GRIN3A: variants seen among roughly 807,000 people sequenced by gnomAD.
GRIN3A encodes the protein glutamate ionotropic receptor NMDA type subunit 3A, also known as glutamate receptor ionotropic, NMDA 3A.
In GRIN3A, 47 loss-of-function variants were observed where a neutral mutation model predicts 92.4. That is an observed-to-expected ratio of 0.51 (90% CI 0.40 to 0.65). GRIN3A has a LOEUF of 0.65. Among genes scored for constraint, GRIN3A ranks in the 30% least tolerant of loss-of-function variants. The pLI is 0.00. For missense variants in GRIN3A, 1,324 were observed against 1,393.1 expected, an observed-to-expected ratio of 0.95 and a Z score of 0.79; for synonymous variants, 527 against 540.6, an observed-to-expected ratio of 0.97 and a Z score of 0.35.
chr9:101,632,509 G>A (rs539969087), intron 3 of GRIN3A, among the ~76,000 whole-genome samples: 3 of 152,170 alleles, frequency 2.0e-5, no homozygotes, highest in Admixed American at 6.5e-5. Flanking sequence ...TCATTATTAA[G>A]AGAATGAATG....
At chr9:101,679,225 G>C (rs1272935875) in intron 2 of GRIN3A, among the ~76,000 whole-genome samples, 1 of 152,130 alleles carries the variant, frequency 6.6e-6, no homozygotes, top group Non-Finnish European at 1.5e-5. Context: ...GTATTACTCT[G>C]CATAGTTTCA....
In GRIN3A at chr9:101,670,305, A is replaced by G; in HGVS notation, c.2107T>C (p.Leu703=). The change falls in exon 3 of 9, where the codon TTG becomes CTG. Residue 703 remains leucine, a synonymous_variant. Coordinates refer to ENST00000361820, the MANE Select transcript of GRIN3A (RefSeq NM_133445.3). The part of the protein sequence containing the change: ...TLYEWKSPFG[L]TPKGRNRSKV... Reference sequence around the variant, plus strand: ...CTTCTATTTCGCCCCTTGGGAGTCAAACCAAATGGACTCTTCCATTCATAC... The same window carrying G: ...CTTCTATTTCGCCCCTTGGGAGTCAGACCAAATGGACTCTTCCATTCATAC... 2 of 1,614,060 alleles carry G rather than the reference A, an allele frequency of 1.2e-6. No individual in the cohort carries two copies. Among genetic ancestry groups the G allele is most frequent in the African/African-American group, 2.7e-5 (2 of 75,042 alleles).
At chr9:101,644,608 A>G (rs1249549010) in intron 3 of GRIN3A, among the ~76,000 whole-genome samples, 2 of 152,000 alleles carry the variant, frequency 1.3e-5, no homozygotes, top group African/African-American at 2.4e-5. Flanking sequence ...CTACTTCATA[A>G]AAATTCTTCA....
intron 6 of GRIN3A, chr9:101,591,921 A>T (rs914920089): frequency 3.3e-5 from 5 of 152,242 alleles, no homozygotes; most frequent in Non-Finnish European, 5.9e-5. Flanking sequence ...TGAGCATGTA[A>T]TCCAATATGT....
At chr9:101,728,933 T>C (rs1200108667) in intron 1 of GRIN3A, among the ~76,000 whole-genome samples, 1 of 152,160 alleles carries the variant, frequency 6.6e-6, no homozygotes, top group Non-Finnish European at 1.5e-5. Context: ...AATCTTTGGG[T>C]TAATGTAAGC....
chr9:101,717,744 A>G (rs1157413930), intron 1 of GRIN3A, among the ~76,000 whole-genome samples: 2 of 152,196 alleles, frequency 1.3e-5, no homozygotes, highest in Non-Finnish European at 2.9e-5. Context: ...AGAAATTCGC[A>G]GAAGAGGTGA....
At chr9:101,618,936 G>T (rs889013340) in intron 5 of GRIN3A, among the ~76,000 whole-genome samples, 3 of 152,188 alleles carry the variant, frequency 2.0e-5, no homozygotes, top group Non-Finnish European at 2.9e-5. Context: ...GTTGATGAAT[G>T]AAGCAAAATG....
rs1005414283 is a variant in GRIN3A at position 101,572,880 on chromosome 9, TGGTGAAAA to T, written c.*286_*293del. 8.2e-5 allele frequency: 33 copies of T among 400,944 alleles called. No homozygotes were observed. Among genetic ancestry groups the T allele is most frequent in the African/African-American group, 6.6e-4 (33 of 49,660 alleles). The allele number at this position is 400,944 out of a possible 1,614,324, so 24.8% of individuals were successfully genotyped here. A position where few individuals can be genotyped will look rare whatever the true frequency, so the allele number is the denominator to read the frequency against. ...AAACCAGAAATATTACTGTGGCACC[TGGTGAAAA>T]GGTTAACGGCAGCTGGGGTTATCTG... On this transcript the variant is annotated 3_prime_UTR_variant, in exon 9 of 9. Transcript: ENST00000361820.
intron 7 of GRIN3A, among the ~76,000 whole-genome samples, chr9:101,578,134 G>A (rs1197359286): frequency 6.6e-6 from 1 of 152,184 alleles, no homozygotes. Flanking sequence ...TAACTAATGT[G>A]TAGCAAAAGG....
intron 5 of GRIN3A, among the ~76,000 whole-genome samples, chr9:101,616,685 G>A (rs1290965800): frequency 7.3e-6 from 1 of 136,414 alleles, no homozygotes; most frequent in Non-Finnish European, 1.5e-5. Context: ...GGTGGGAGTT[G>A]AACAATGAGA....
intron 6 of GRIN3A, among the ~76,000 whole-genome samples, chr9:101,587,238 A>G (rs1377377830): frequency 6.7e-6 from 1 of 150,366 alleles, no homozygotes; most frequent in Non-Finnish European, 1.5e-5. Context: ...TGAATCCGGG[A>G]GGCAGAGGCT....
chr9:101,709,894 T>G (rs531721173), intron 1 of GRIN3A, among the ~76,000 whole-genome samples: 3 of 152,338 alleles, frequency 2.0e-5, no homozygotes, highest in Non-Finnish European at 4.4e-5. Context: ...ACTCAGAGAA[T>G]GATAGATGTC....
chr9:101,669,566 A>T (rs1829288836), intron 3 of GRIN3A, among the ~76,000 whole-genome samples: 1 of 152,088 alleles, frequency 6.6e-6, no homozygotes, highest in African/African-American at 2.4e-5. Context: ...TGAGTTCCCT[A>T]GCAGTTGACT....
At chr9:101,633,565 C>T (rs1184937376) in intron 3 of GRIN3A, among the ~76,000 whole-genome samples, 1 of 152,152 alleles carries the variant, frequency 6.6e-6, no homozygotes, top group African/African-American at 2.4e-5. Context: ...CAGCCATGGG[C>T]AAGTGAGCAT....
chr9:101,679,320 A>G (rs1276440921), intron 2 of GRIN3A, among the ~76,000 whole-genome samples: 1 of 152,232 alleles, frequency 6.6e-6, no homozygotes, highest in Non-Finnish European at 1.5e-5. Context: ...TCTCGGGCAC[A>G]TAAAAGCTTG....
intron 2 of GRIN3A, among the ~76,000 whole-genome samples, chr9:101,677,827 G>A (rs1046079110): frequency 1.3e-5 from 2 of 152,006 alleles, no homozygotes; most frequent in Admixed American, 1.3e-4. Flanking sequence ...CATTAAATGT[G>A]CGTGATTTCT....
chr9:101,723,493 C>T (rs1411490335), intron 1 of GRIN3A, among the ~76,000 whole-genome samples: 8 of 152,194 alleles, frequency 5.3e-5, no homozygotes, highest in South Asian at 2.1e-4. Context: ...TTGCAAAGAG[C>T]GAAAGAACAA....
At chr9:101,600,482 A>G (rs1828197053) in intron 6 of GRIN3A, among the ~76,000 whole-genome samples, 1 of 152,202 alleles carries the variant, frequency 6.6e-6, no homozygotes, top group African/African-American at 2.4e-5. Flanking sequence ...GTAAAGGAGC[A>G]CCTGCCTTGA....
At chr9:101,626,883 G>C (rs1828640648) in intron 4 of GRIN3A, among the ~76,000 whole-genome samples, 1 of 152,182 alleles carries the variant, frequency 6.6e-6, no homozygotes, top group Admixed American at 6.5e-5. Context: ...TTCATCTGTG[G>C]CCGCTTTCCT....
Sources: gnomAD v4.1 joint callset for allele counts (sites outside exome capture counted in the v4.1 genomes callset) on GRCh38, gnomAD v4.1.1 for gene constraint, MANE v1.5 for transcripts, NCBI Gene and HGNC (gene_info 2026-07-23, HGNC 2026-07-21) for gene names.